The following AP1S3 variants were observed in gnomAD, a reference collection of about 807,000 sequenced individuals.
AP1S3 encodes the protein AP-1 complex subunit sigma-3.
In AP1S3, 10 loss-of-function variants were observed where a neutral mutation model predicts 20.9. That is an observed-to-expected ratio of 0.48 (90% CI 0.29 to 0.81). The LOEUF (loss-of-function observed/expected upper bound fraction) is 0.81. AP1S3 is among the 30% of genes least tolerant of loss of function. The pLI is 0.08. For missense variants in AP1S3, 154 were observed against 183.8 expected, an observed-to-expected ratio of 0.84 and a Z score of 0.94; for synonymous variants, 41 against 61.5, an observed-to-expected ratio of 0.67 and a Z score of 1.56.
chr2:223,792,944 A>C (rs1437660055), intron 1 of AP1S3, among the ~76,000 whole-genome samples: 1 of 152,250 alleles, frequency 6.6e-6, no homozygotes, highest in South Asian at 2.1e-4. Flanking sequence ...AAAAGAAGAC[A>C]TACATGTAGC....
At chr2:223,812,034 G>A (rs941873157) in intron 1 of AP1S3, among the ~76,000 whole-genome samples, 5 of 152,182 alleles carry the variant, frequency 3.3e-5, no homozygotes, top group African/African-American at 9.7e-5. Context: ...ACAAGGCAAT[G>A]ATAACCATAT....
At chr2:223,818,925 A>G (rs2106124111) in intron 1 of AP1S3, among the ~76,000 whole-genome samples, 1 of 152,346 alleles carries the variant, frequency 6.6e-6, no homozygotes, top group Admixed American at 6.5e-5. Flanking sequence ...ACATCACTTA[A>G]TGATTATAGA....
chr2:223,772,388 AAAAC>A (rs1418772326), intron 3 of AP1S3, among the ~76,000 whole-genome samples: 1 of 152,148 alleles, frequency 6.6e-6, no homozygotes, highest in African/African-American at 2.4e-5. Flanking sequence ...CTGACAGCAA[AAAAC>A]AAACAAACAA....
At position 223,756,273 on chromosome 2, in the gene AP1S3, G is replaced by T. The variant is rs1449285990; in HGVS notation, c.*2442C>A. On this transcript the variant is annotated 3_prime_UTR_variant, in exon 5 of 5. Coordinates refer to ENST00000396654, the MANE Select transcript of AP1S3 (RefSeq NM_001039569.2). ...AATCGTTTGAACCCAGGAGACGGAG[G>T]CTGCAGTGACCTGAGATCACACCAT... 6.6e-6 allele frequency among the ~76,000 whole-genome samples: 1 copy of T among 151,926 alleles called. No homozygotes were observed. Among genetic ancestry groups the T allele is most frequent in the Admixed American group, 6.6e-5 (1 of 15,230 alleles).
chr2:223,775,956 A>G lies in AP1S3; in HGVS notation c.236T>C (p.Leu79Ser). Residue 79 changes from leucine (L) to serine (S), a missense_variant, in exon 3 of 5, where the codon TTG (leucine) becomes TCG (serine). Transcript: ENST00000396654. Reference protein sequence around the residue: ...CAIENQDNELLTLEIVHRYVE... With the variant: ...CAIENQDNELSTLEIVHRYVE... ...GTAACGATGCACAATCTCTAGCGTC[A>G]AGAGCTCATTGTCCTGATTTTCTAT... The G allele has an allele frequency of 6.2e-7, 1 of 1,614,208 alleles. No individual in the cohort carries two copies. Among genetic ancestry groups the G allele is most frequent in the Non-Finnish European group, 8.5e-7 (1 of 1,180,036 alleles).
At chr2:223,810,901 G>A (rs1162250079) in intron 1 of AP1S3, among the ~76,000 whole-genome samples, 2 of 151,856 alleles carry the variant, frequency 1.3e-5, no homozygotes, top group South Asian at 4.1e-4. Context: ...TTTAAGAAGT[G>A]CATCATCTTT....
intron 1 of AP1S3, among the ~76,000 whole-genome samples, chr2:223,804,728 AAAAG>A (rs1334820992): frequency 6.6e-6 from 1 of 152,070 alleles, no homozygotes; most frequent in African/African-American, 2.4e-5. Flanking sequence ...AAAAAAAAAA[AAAAG>A]AGGTTTCTAG....
chr2:223,812,371 G>A (rs998645475), intron 1 of AP1S3, among the ~76,000 whole-genome samples: 4 of 152,088 alleles, frequency 2.6e-5, no homozygotes, highest in African/African-American at 4.8e-5. Flanking sequence ...ATAGGCACGC[G>A]CCACCACGCC....
chr2:223,770,250 C>T (rs1314900194), intron 3 of AP1S3: 1 of 1,550,666 alleles, frequency 6.4e-7, no homozygotes, highest in Non-Finnish European at 8.7e-7. Flanking sequence ...TGAGGAACCT[C>T]GGAGTTCAAG....
At chr2:223,835,069 T>TCATAATATTA (rs1692363395) in intron 1 of AP1S3, among the ~76,000 whole-genome samples, 1 of 69,806 alleles carries the variant, frequency 1.4e-5, no homozygotes, top group African/African-American at 5.3e-5. Flanking sequence ...GAAAATAGTT[T>TCATAATATTA]TGACCTTGCA....
At chr2:223,780,214 G>A (rs1288261965) in intron 1 of AP1S3, among the ~76,000 whole-genome samples, 2 of 145,904 alleles carry the variant, frequency 1.4e-5, no homozygotes, top group East Asian at 2.0e-4. Flanking sequence ...AGACTTAGGC[G>A]ATCCTCCCAC....
At chr2:223,779,907 C>T (rs1305483391) in intron 1 of AP1S3, among the ~76,000 whole-genome samples, 1 of 151,978 alleles carries the variant, frequency 6.6e-6, no homozygotes, top group African/African-American at 2.4e-5. Context: ...GCAGAGGTTG[C>T]AGTGAGCCAA....
intron 1 of AP1S3, among the ~76,000 whole-genome samples, chr2:223,805,231 G>A (rs1368163294): frequency 6.6e-6 from 1 of 152,174 alleles, no homozygotes; most frequent in Non-Finnish European, 1.5e-5. Flanking sequence ...CTGAGGTCAG[G>A]AGTTTGAGAG....
At chr2:223,792,064 C>T (rs1691226470) in intron 1 of AP1S3, among the ~76,000 whole-genome samples, 1 of 152,134 alleles carries the variant, frequency 6.6e-6, no homozygotes, top group African/African-American at 2.4e-5. Flanking sequence ...CTGAAAATGA[C>T]CATATTGCAC....
intron 3 of AP1S3, chr2:223,773,429 A>C: frequency 8.1e-7 from 1 of 1,240,732 alleles, no homozygotes; most frequent in Non-Finnish European, 1.1e-6. Context: ...AATATGTTTG[A>C]AAACATGTTA....
chr2:223,805,910 CA>C (rs1691568361), intron 1 of AP1S3, among the ~76,000 whole-genome samples: 1 of 152,138 alleles, frequency 6.6e-6, no homozygotes, highest in South Asian at 2.1e-4. Flanking sequence ...CAGAAACCTC[CA>C]TTCCTAACAC....
intron 1 of AP1S3, among the ~76,000 whole-genome samples, chr2:223,836,111 C>A (rs1053596070): frequency 2.0e-5 from 3 of 152,226 alleles, no homozygotes; most frequent in Non-Finnish European, 4.4e-5. Flanking sequence ...GTGCTCAGCA[C>A]TCCCCGGCTC....
In AP1S3 at chr2:223,766,740, A is replaced by C. The variant is rs573648684; in HGVS notation, c.292-1390T>G. Among the ~76,000 whole-genome samples the C allele has an allele frequency of 2.6e-5, 4 of 152,340 alleles. No homozygotes were observed. The South Asian group carries it at 6.2e-4, about 24-fold the overall frequency. On this transcript the variant is annotated intron_variant, in intron 3 of 4. Coordinates refer to ENST00000396654, the MANE Select transcript of AP1S3 (RefSeq NM_001039569.2). ...AAGGATTATAAATCATTCTACTATA[A>C]AGACACATGCACATGTATGTTTGTT...
At chr2:223,819,397 C>G (rs1336127673) in intron 1 of AP1S3, among the ~76,000 whole-genome samples, 1 of 152,184 alleles carries the variant, frequency 6.6e-6, no homozygotes, top group Non-Finnish European at 1.5e-5. Context: ...AAAAAGCACA[C>G]TCTGTTTGCT....
Sources: gnomAD v4.1 joint callset for allele counts (sites outside exome capture counted in the v4.1 genomes callset) on GRCh38, gnomAD v4.1.1 for gene constraint, MANE v1.5 for transcripts, NCBI Gene and HGNC (gene_info 2026-07-23, HGNC 2026-07-21) for gene names.